Variants in SIM2 observed in about 807,000 individuals in gnomAD.
The protein encoded by SIM2 is SIM bHLH transcription factor 2.
Under a neutral mutation model 64.8 loss-of-function variants are expected in SIM2, and 28 were observed. The ratio of observed to expected loss-of-function variants is 0.43; its 90% CI spans 0.32 to 0.59. The LOEUF (loss-of-function observed/expected upper bound fraction) is 0.59, where lower values mean the gene tolerates loss of function less well. SIM2 is among the 20% of genes least tolerant of loss of function. SIM2 has a pLI of 0.07. For missense variants in SIM2, 847 were observed against 871.4 expected (o/e 0.97, Z 0.35); for synonymous variants, 408 against 391.1 (o/e 1.04, Z -0.51).
chr21:36,747,923 TG>T lies in SIM2; in HGVS notation c.1841del (p.Gly614AlafsTer92). Reference sequence around the variant, plus strand: ...CGCGTGCTGGCCCGGCGCGGACCGCTGGGGGGCGCCGCACCCGCCGCCTCCG... The same window carrying T: ...CGCGTGCTGGCCCGGCGCGGACCGCTGGGGGCGCCGCACCCGCCGCCTCCG... ...YHRVLARRGP[L>X]GGAAPAASGL... On this transcript the variant is annotated frameshift_variant, in exon 11 of 11. Transcript: ENST00000290399. LOFTEE classifies it high-confidence loss of function. This position sits in a 1 kb window ranked among gnomAD's most constrained non-coding sequence, Gnocchi z 4.5. The T allele has an allele frequency of 1.6e-5, 17 of 1,038,320 alleles. No homozygotes were observed. The highest frequency in any genetic ancestry group is 1.5e-4 in the South Asian group (5 of 32,388). The allele number at this position is 1,038,320 out of a possible 1,614,324, so 64.3% of individuals were successfully genotyped here.
At chr21:36,746,663 T>C (rs770329069) in intron 10 of SIM2, among the ~76,000 whole-genome samples, 11 of 152,230 alleles carry the variant, frequency 7.2e-5, no homozygotes, top group Admixed American at 1.3e-4. Context: ...ACCTGGCCTG[T>C]CCCAGGAGCC....
chr21:36,730,555 G>A (rs1010772443), intron 6 of SIM2, among the ~76,000 whole-genome samples: 2 of 152,200 alleles, frequency 1.3e-5, no homozygotes, highest in African/African-American at 4.8e-5. Flanking sequence ...AGTGATGCCT[G>A]TTACACAACA....
Position 36,699,618 on chromosome 21 carries a change from G to T in SIM2, c.-129G>T. On this transcript the variant is annotated 5_prime_UTR_variant, in exon 1 of 11. Transcript: ENST00000290399. The surrounding 1 kb of genome is among the most constrained non-coding windows in gnomAD (Gnocchi z 5.6). ...GAACCCCGGGAGGCCCCCCGCACCT[G>T]CCCGCGGCCCACTCCGCGGACTCAC... is the stretch of plus-strand genomic sequence containing the variant. 1 of 1,050,778 alleles carries T rather than the reference G, an allele frequency of 9.5e-7. No homozygotes were observed. Among genetic ancestry groups the T allele is most frequent in the Non-Finnish European group, 1.3e-6 (1 of 762,792 alleles). 65.1% of individuals were successfully genotyped at this position (1,050,778 alleles called of 1,614,324 possible). A position where few individuals can be genotyped will look rare whatever the true frequency, so the allele number is the denominator to read the frequency against.
chr21:36,711,562 G>A (rs540240961), intron 2 of SIM2, among the ~76,000 whole-genome samples: 3 of 152,214 alleles, frequency 2.0e-5, no homozygotes, highest in Non-Finnish European at 4.4e-5. Flanking sequence ...TAGGGGTGGA[G>A]GGGGTGGCTT....
chr21:36,727,974 C>T (rs2088915072), intron 6 of SIM2, among the ~76,000 whole-genome samples: 1 of 152,134 alleles, frequency 6.6e-6, no homozygotes, highest in South Asian at 2.1e-4. Context: ...GGGTCACCAG[C>T]ATCTTCCCAG....
chr21:36,737,975 A>AAAAAAAG (rs2089094863), intron 7 of SIM2, among the ~76,000 whole-genome samples: 1 of 126,602 alleles, frequency 7.9e-6, no homozygotes, highest in Non-Finnish European at 1.9e-5. Flanking sequence ...AAAAAAAAAA[A>AAAAAAAG]AAAAAAAGCA....
intron 6 of SIM2, among the ~76,000 whole-genome samples, chr21:36,728,541 C>T (rs1263325474): frequency 6.6e-6 from 1 of 152,246 alleles, no homozygotes; most frequent in Admixed American, 6.5e-5. Flanking sequence ...TTGAAGGAGA[C>T]ATCCTGCCTC....
chr21:36,721,760 G>A (rs1379683050), intron 4 of SIM2, among the ~76,000 whole-genome samples: 1 of 152,140 alleles, frequency 6.6e-6, no homozygotes, highest in Non-Finnish European at 1.5e-5. Context: ...TATGTTAACT[G>A]TATGGGACTG....
intron 6 of SIM2, among the ~76,000 whole-genome samples, chr21:36,727,796 G>T (rs933675154): frequency 6.6e-6 from 1 of 152,148 alleles, no homozygotes; most frequent in African/African-American, 2.4e-5. Flanking sequence ...ACTTTTTAAA[G>T]TTGTGGTAAA....
chr21:36,736,910 G>A (rs13049128), intron 7 of SIM2, among the ~76,000 whole-genome samples: 3,519 of 80,466 alleles, frequency 0.044, 66 homozygotes, highest in Middle Eastern at 0.065. Flanking sequence ...TTTTTCTTTC[G>A]TTCTTTCTCT....
At chr21:36,705,430 T>C (rs1425172636) in intron 1 of SIM2, among the ~76,000 whole-genome samples, 1 of 152,004 alleles carries the variant, frequency 6.6e-6, no homozygotes, top group East Asian at 1.9e-4. Context: ...CAGCTCCCCC[T>C]GGGGCGGGTG....
chr21:36,710,144 A>T (rs1373018732), intron 2 of SIM2: 1 of 153,198 alleles, frequency 6.5e-6, no homozygotes, highest in Non-Finnish European at 1.5e-5. Context: ...TTTTTAGAGG[A>T]GGAAATTGAG....
intron 6 of SIM2, among the ~76,000 whole-genome samples, chr21:36,727,736 T>C (rs2088911889): frequency 6.6e-6 from 1 of 152,222 alleles, no homozygotes; most frequent in Non-Finnish European, 1.5e-5. Flanking sequence ...AGATACATTT[T>C]GCTTTCTGTA....
At chr21:36,704,295 C>G (rs891342835) in intron 1 of SIM2, among the ~76,000 whole-genome samples, 1 of 152,240 alleles carries the variant, frequency 6.6e-6, no homozygotes, top group Admixed American at 6.5e-5. Flanking sequence ...CACCCCTATA[C>G]CCCTCAGGGC....
rs1240117886 is a variant in SIM2, at chr21:36,733,871, A to AT, written c.850+2727dup. Reference sequence around the variant, plus strand: ...CCACCATGCCCGGCCCGAAGCAGGGATTTTTTTCCCCATTTGCTTTGGAAC... The same window carrying AT: ...CCACCATGCCCGGCCCGAAGCAGGGATTTTTTTTCCCCATTTGCTTTGGAAC... On this transcript the variant is annotated intron_variant, in intron 7 of 10. Coordinates refer to ENST00000290399, the MANE Select transcript of SIM2 (RefSeq NM_005069.6). 4.6e-5 allele frequency among the ~76,000 whole-genome samples: 7 copies of AT among 152,014 alleles called. No homozygotes were observed. In the East Asian group the frequency reaches 7.8e-4, roughly 17 times the overall value.
intron 1 of SIM2, chr21:36,701,334 G>A (rs949885642): frequency 2.0e-5 from 3 of 152,704 alleles, no homozygotes; most frequent in Non-Finnish European, 1.5e-5. Flanking sequence ...TCGACCTTTT[G>A]CGTTCGCCTC....
chr21:36,706,227 GA>G (rs2088579347), intron 1 of SIM2, among the ~76,000 whole-genome samples: 1 of 152,236 alleles, frequency 6.6e-6, no homozygotes. Context: ...TGGGGCCAGG[GA>G]GGAATGAGGC....
At position 36,744,610 on chromosome 21, in the gene SIM2, G is replaced by A. The variant is rs572753911; in HGVS notation, c.1168-118G>A. On this transcript the variant is annotated intron_variant, in intron 9 of 10. Coordinates refer to ENST00000290399, the MANE Select transcript of SIM2 (RefSeq NM_005069.6). ...CCCAGTGGGACCTTGCAGTGGTGGC[G>A]AGGGTAGGGGCAGCCCTTGGATGGG... The A allele has an allele frequency of 4.7e-4, 600 of 1,272,536 alleles. 1 individual carries two copies. The highest frequency in any genetic ancestry group is 8.3e-4 in the Middle Eastern group (3 of 3,618). The allele number at this position is 1,272,536 out of a possible 1,614,324, so 78.8% of individuals were successfully genotyped here. A position where few individuals can be genotyped will look rare whatever the true frequency, so the allele number is the denominator to read the frequency against.
At chr21:36,738,096 C>A (rs1269344461) in intron 7 of SIM2, among the ~76,000 whole-genome samples, 1 of 151,856 alleles carries the variant, frequency 6.6e-6, no homozygotes, top group East Asian at 1.9e-4. Context: ...GTGGATGGAT[C>A]CTCAGTCTGA....
Sources: gnomAD v4.1 joint callset for allele counts (sites outside exome capture counted in the v4.1 genomes callset) on GRCh38, gnomAD v4.1.1 for gene constraint, Gnocchi (gnomAD v3.1) non-coding constraint, MANE v1.5 for transcripts, NCBI Gene and HGNC (gene_info 2026-07-23, HGNC 2026-07-21) for gene names.